Variants in PDE4B observed in about 807,000 individuals in gnomAD.
The protein encoded by PDE4B is phosphodiesterase 4B, also known as 3',5'-cyclic-AMP phosphodiesterase 4B.
In PDE4B, 20 loss-of-function variants were observed where a neutral mutation model predicts 82.2. That is an observed-to-expected ratio of 0.24 (90% confidence interval 0.17 to 0.35). The LOEUF is 0.35. PDE4B is among the 10% of genes least tolerant of loss of function. The probability of loss-of-function intolerance (pLI) is 1.00; values close to 1 mark genes in which losing one functional copy is unlikely to be tolerated. For missense variants in PDE4B, 655 were observed against 907.2 expected (o/e 0.72, Z 3.57); for synonymous variants, 320 against 318.9 (o/e 1.00, Z -0.04).
At chr1:66,019,207 A>G (rs1226181887) in intron 3 of PDE4B, among the ~76,000 whole-genome samples, 2 of 152,136 alleles carry the variant, frequency 1.3e-5, no homozygotes, top group Non-Finnish European at 2.9e-5. Context: ...TTCACCTACA[A>G]ATAATCAATT....
At chr1:65,976,128 G>A (rs183510010) in intron 3 of PDE4B, among the ~76,000 whole-genome samples, 43 of 152,310 alleles carry the variant, frequency 2.8e-4, no homozygotes, top group Non-Finnish European at 3.7e-4. Flanking sequence ...AGATGTAGGG[G>A]CTGTATGCAG....
At chr1:65,859,447 G>A (rs1222565869) in intron 1 of PDE4B, among the ~76,000 whole-genome samples, 1 of 152,050 alleles carries the variant, frequency 6.6e-6, no homozygotes, top group Non-Finnish European at 1.5e-5. Flanking sequence ...AATGTATTGA[G>A]TAATTAGGTA....
At chr1:66,216,355 A>G (rs758864740) in intron 3 of PDE4B, among the ~76,000 whole-genome samples, 1 of 151,764 alleles carries the variant, frequency 6.6e-6, no homozygotes, top group Non-Finnish European at 1.5e-5. Context: ...TGAATACAGT[A>G]TATTTGAAGA....
chr1:66,294,879 G>A (rs1281835058), intron 7 of PDE4B, among the ~76,000 whole-genome samples: 1 of 152,152 alleles, frequency 6.6e-6, no homozygotes, highest in Non-Finnish European at 1.5e-5. Flanking sequence ...TGCATAGGAT[G>A]TGTTTCATGA....
At chr1:65,939,046 G>A (rs999569513) in intron 3 of PDE4B, among the ~76,000 whole-genome samples, 1 of 152,112 alleles carries the variant, frequency 6.6e-6, no homozygotes, top group African/African-American at 2.4e-5. Flanking sequence ...AGTGAGAATG[G>A]TTAGAGGAGG....
chr1:66,092,712 G>A (rs1645048168), intron 3 of PDE4B, among the ~76,000 whole-genome samples: 1 of 151,986 alleles, frequency 6.6e-6, no homozygotes, highest in Non-Finnish European at 1.5e-5. Context: ...CTTCTCAAAG[G>A]AAGTAGCATT....
At chr1:66,123,392 CT>C (rs1481270782) in intron 3 of PDE4B, among the ~76,000 whole-genome samples, 1 of 152,154 alleles carries the variant, frequency 6.6e-6, no homozygotes, top group Non-Finnish European at 1.5e-5. Context: ...TTCATCGGCA[CT>C]TTCAGATTTT....
At chr1:66,348,928 C>G (rs1218370668) in intron 8 of PDE4B, among the ~76,000 whole-genome samples, 1 of 151,994 alleles carries the variant, frequency 6.6e-6, no homozygotes, top group African/African-American at 2.4e-5. Context: ...TGAGAAATTG[C>G]TATAAACATT....
chr1:65,970,404 T>C (rs1035610152), intron 3 of PDE4B, among the ~76,000 whole-genome samples: 4 of 152,202 alleles, frequency 2.6e-5, no homozygotes, highest in Admixed American at 1.3e-4. Flanking sequence ...ATTTGGAAGA[T>C]AAATGGCAGG....
intron 1 of PDE4B, among the ~76,000 whole-genome samples, chr1:65,854,577 C>T (rs939972965): frequency 5.3e-5 from 8 of 152,030 alleles, no homozygotes; most frequent in Middle Eastern, 6.8e-3. Context: ...CTGCTGCACA[C>T]ATATTGGTGT....
intron 3 of PDE4B, among the ~76,000 whole-genome samples, chr1:66,036,988 G>A (rs531683561): frequency 4.1e-4 from 63 of 151,812 alleles, no homozygotes; most frequent in East Asian, 1.7e-3. Context: ...CAAAAAGTTC[G>A]CCGGGTATGG....
chr1:66,134,740 A>C (rs769996780), intron 3 of PDE4B, among the ~76,000 whole-genome samples: 8 of 152,248 alleles, frequency 5.3e-5, no homozygotes, highest in Non-Finnish European at 8.8e-5. Context: ...TGTTTGTAAA[A>C]TACTGTTTTA....
At chr1:66,091,228 A>G (rs956900731) in intron 3 of PDE4B, among the ~76,000 whole-genome samples, 1 of 152,066 alleles carries the variant, frequency 6.6e-6, no homozygotes, top group African/African-American at 2.4e-5. Context: ...TGTTCTATTC[A>G]AGCCAAGCCT....
intron 3 of PDE4B, among the ~76,000 whole-genome samples, chr1:66,195,420 A>T (rs1648213362): frequency 6.6e-6 from 1 of 152,140 alleles, no homozygotes; most frequent in African/African-American, 2.4e-5. Context: ...ACCTTCTTTC[A>T]TGGGGAACAG....
At chr1:66,362,709 A>G (rs1480496702) in intron 10 of PDE4B, among the ~76,000 whole-genome samples, 1 of 152,136 alleles carries the variant, frequency 6.6e-6, no homozygotes, top group Non-Finnish European at 1.5e-5. Context: ...ACTTATGCAC[A>G]TTCTGATAGC....
At position 66,210,621 on chromosome 1, in the gene PDE4B, A is replaced by G. The variant is rs1212499906; in HGVS notation, c.282-36839A>G. ...AAAAAAAAAAAAAAAAAAAAAAAAG[A>G]AAAAGGAAAAAAAGAAAAGAAAAGA... On this transcript the variant is annotated intron_variant, in intron 3 of 16. Coordinates refer to ENST00000341517, the MANE Select transcript of PDE4B (RefSeq NM_002600.4). Among the ~76,000 whole-genome samples, 5 of 147,520 alleles carry G rather than the reference A, an allele frequency of 3.4e-5. No individual in the cohort carries two copies. In the East Asian group the frequency reaches 8.1e-4, roughly 24 times the overall value.
chr1:65,965,430 T>C (rs1260278961), intron 3 of PDE4B, among the ~76,000 whole-genome samples: 4 of 152,126 alleles, frequency 2.6e-5, no homozygotes, highest in South Asian at 4.1e-4. Flanking sequence ...GAATAAAAAT[T>C]AAGTACATTT....
chr1:65,881,710 T>C (rs1646710726), intron 1 of PDE4B, among the ~76,000 whole-genome samples: 1 of 152,202 alleles, frequency 6.6e-6, no homozygotes, highest in South Asian at 2.1e-4. Context: ...TCTTATACTC[T>C]TATGCTAATC....
intron 1 of PDE4B, among the ~76,000 whole-genome samples, chr1:65,848,936 C>G (rs893574434): frequency 6.6e-6 from 1 of 151,866 alleles, no homozygotes; most frequent in African/African-American, 2.4e-5. Context: ...GGAACCACAC[C>G]ATTTAGGAAA....
Sources: allele counts gnomAD v4.1 joint callset (sites outside exome capture counted in the v4.1 genomes callset), GRCh38; gene constraint gnomAD v4.1.1; transcripts MANE v1.5; gene names NCBI Gene and HGNC (gene_info 2026-07-23, HGNC 2026-07-21).